The following VWF variants were observed in gnomAD, a reference collection of about 807,000 sequenced individuals.
VWF encodes Factor VIII related antigen.
A neutral mutation model predicts 308.6 loss-of-function variants in VWF; 176 were observed. The observed-to-expected ratio is 0.57, with a 90% CI of 0.50 to 0.65. The LOEUF (loss-of-function observed/expected upper bound fraction) is 0.65. Among genes scored for constraint, VWF ranks in the 30% least tolerant of loss-of-function variants. The pLI, the probability that VWF is intolerant of heterozygous loss-of-function variation, is 0.00. For synonymous variants in VWF, 1,385 were observed against 1,443.4 expected, an observed-to-expected ratio of 0.96 and a Z score of 0.92; for missense variants, 3,146 against 3,648.2, an observed-to-expected ratio of 0.86 and a Z score of 3.55.
intron 5 of VWF, among the ~76,000 whole-genome samples, chr12:6,108,354 C>CACACACACACAT (rs1201594301): frequency 1.2e-4 from 18 of 148,446 alleles, no homozygotes; most frequent in Non-Finnish European, 2.4e-4. Flanking sequence ...CACACACACA[C>CACACACACACAT]ACACACACAC....
rs1943787833 is a variant in VWF at position 5,994,594 on chromosome 12, C to T, written c.6077G>A (p.Gly2026Glu). The stretch of plus-strand genomic sequence containing the variant: ...CACGTAAGGAACAGAGACCAGTCTC[C>T]CATTCACCGTCACCTGCACAAAGAA... ...LHSDMEVTVN[G>E]RLVSVPYVGG... The change falls in exon 36 of 52, where the codon GGG (glycine) becomes GAG (glutamate). Residue 2026 changes from glycine (G) to glutamate (E), a missense_variant. Around this residue, in one of 3 missense-constraint regions of VWF, gnomAD observed 989 missense variants for 1,117.4 expected, o/e 0.89. Transcript: ENST00000261405. 2 of 1,613,912 alleles carry T rather than the reference C, an allele frequency of 1.2e-6. No individual in the cohort carries two copies. The highest frequency in any genetic ancestry group is 1.7e-6 in the Non-Finnish European group (2 of 1,179,852).
intron 41 of VWF, 89 bp downstream of exon 41, chr12:5,983,061 G>T: frequency 7.6e-7 from 1 of 1,309,282 alleles, no homozygotes. Context: ...GAAATGACGT[G>T]ATCTTGGAAG....
chr12:6,111,284 G>T (rs145059838), intron 3 of VWF, among the ~76,000 whole-genome samples: 33 of 152,260 alleles, frequency 2.2e-4, no homozygotes, highest in African/African-American at 7.7e-4. Context: ...ACAAACATGC[G>T]ACAATTGAGT....
intron 6 of VWF, among the ~76,000 whole-genome samples, chr12:6,080,410 C>A (rs1416203189): frequency 6.6e-6 from 1 of 152,182 alleles, no homozygotes; most frequent in African/African-American, 2.4e-5. Context: ...TTGGTTCTCA[C>A]CTAGAGGTGT....
Position 6,073,661 on chromosome 12 carries a change from C to A in VWF, c.955G>T (p.Glu319Ter). 1 of 1,614,128 alleles carries A rather than the reference C, an allele frequency of 6.2e-7. No individual in the cohort carries two copies. Among genetic ancestry groups the A allele is most frequent in the Non-Finnish European group, 8.5e-7 (1 of 1,180,020 alleles). ...ARTCQSLHIN[E>*]MCQERCVDGC... is the part of the protein sequence containing the mutation. ...TCCACGCATCGCTCCTGACACATTT[C>A]ATTGATGTGCAGGCTCTGGCAGGTC... Residue 319 changes from glutamate (E) to a stop codon, truncating the protein, a stop_gained, in exon 8 of 52, where the codon GAA (glutamate) becomes TAA (stop). Transcript: ENST00000261405. LOFTEE classifies it high-confidence loss of function.
At chr12:6,003,130 C>T (rs528412487) in intron 34 of VWF, among the ~76,000 whole-genome samples, 1 of 152,028 alleles carries the variant, frequency 6.6e-6, no homozygotes, top group East Asian at 1.9e-4. Context: ...ATGTATGAAC[C>T]GAATGGAAAT....
Position 6,124,055 on chromosome 12 carries a change from G to T in VWF, c.-1+366C>A, listed in dbSNP as rs138563017. On this transcript the variant is annotated intron_variant, in intron 1 of 51. Transcript: ENST00000261405. Reference sequence around the variant, plus strand: ...GCCAATCTGTGATACATCTGTGGAAGGAACACTGAGATGTCAGATACTGCC... The same window carrying T: ...GCCAATCTGTGATACATCTGTGGAATGAACACTGAGATGTCAGATACTGCC... 1.6e-4 allele frequency among the ~76,000 whole-genome samples: 25 copies of T among 152,224 alleles called. No individual in the cohort carries two copies. In the East Asian group the frequency reaches 4.8e-3, roughly 29 times the overall value.
intron 16 of VWF, among the ~76,000 whole-genome samples, chr12:6,050,338 G>T (rs1482323849): frequency 1.3e-5 from 2 of 152,116 alleles, no homozygotes; most frequent in African/African-American, 4.8e-5. Context: ...CTTGATCCAA[G>T]GCCTCGCTAC....
At chr12:6,023,315 T>C (rs1440334618) in intron 25 of VWF, among the ~76,000 whole-genome samples, 1 of 152,160 alleles carries the variant, frequency 6.6e-6, no homozygotes, top group Non-Finnish European at 1.5e-5. Flanking sequence ...TATTGGCAAA[T>C]ATAATCACGC....
chr12:6,002,449 T>C (rs1217480870), intron 34 of VWF, among the ~76,000 whole-genome samples: 2 of 151,960 alleles, frequency 1.3e-5, no homozygotes, highest in African/African-American at 4.8e-5. Flanking sequence ...AAATTTTACT[T>C]GTACCCTAGA....
At chr12:6,032,208 G>C (rs1052452266) in intron 20 of VWF, among the ~76,000 whole-genome samples, 1 of 152,060 alleles carries the variant, frequency 6.6e-6, no homozygotes, top group Non-Finnish European at 1.5e-5. Flanking sequence ...GAAAAAGAAA[G>C]ATAAAATGTT....
chr12:6,117,524 T>A (rs1945381298), intron 3 of VWF, among the ~76,000 whole-genome samples: 1 of 152,236 alleles, frequency 6.6e-6, no homozygotes, highest in Non-Finnish European at 1.5e-5. Flanking sequence ...CATTTTCAGA[T>A]AACCTGTCTC....
intron 20 of VWF, among the ~76,000 whole-genome samples, chr12:6,034,043 G>A (rs113925231): frequency 0.012 from 1,904 of 152,324 alleles, 40 homozygotes; most frequent in African/African-American, 0.041. Context: ...AGGCAGAGGG[G>A]CTGCTGCCCA....
intron 18 of VWF, among the ~76,000 whole-genome samples, chr12:6,043,478 G>A (rs761901987): frequency 2.6e-4 from 40 of 152,208 alleles, no homozygotes; most frequent in Non-Finnish European, 4.9e-4. Flanking sequence ...TTGGGTATAA[G>A]GAATTGGAGT....
At chr12:6,088,859 TCC>T (rs1368400416) in intron 6 of VWF, among the ~76,000 whole-genome samples, 1 of 152,210 alleles carries the variant, frequency 6.6e-6, no homozygotes. Flanking sequence ...CCATTATCAG[TCC>T]CAGTGGAGAC....
At chr12:6,025,195 G>C (rs1454637637) in intron 24 of VWF, among the ~76,000 whole-genome samples, 1 of 152,196 alleles carries the variant, frequency 6.6e-6, no homozygotes, top group Admixed American at 6.5e-5. Flanking sequence ...GGTTTTAGGG[G>C]GTGGGAGAGG....
intron 41 of VWF, among the ~76,000 whole-genome samples, chr12:5,982,373 A>C (rs921808610): frequency 2.0e-5 from 3 of 152,172 alleles, no homozygotes; most frequent in Non-Finnish European, 4.4e-5. Context: ...GTTCTATGCC[A>C]GGAGCTTCTG....
Position 5,991,978 on chromosome 12 carries a change from C to A in VWF, c.6639G>T (p.Glu2213Asp), listed in dbSNP as rs754851946. The A allele has an allele frequency of 3.7e-6, 6 of 1,614,104 alleles. No individual in the cohort carries two copies. Among genetic ancestry groups the A allele is most frequent in the Non-Finnish European group, 5.1e-6 (6 of 1,180,048 alleles). Reference sequence around the variant, plus strand: ...CATCACAGTGCCGGGGACAGCCATGCTCACAGTGGTTGTAGACCAGAGATG... The same window carrying A: ...CATCACAGTGCCGGGGACAGCCATGATCACAGTGGTTGTAGACCAGAGATG... ...CPPSLVYNHC[E>D]HGCPRHCDGN... is the part of the protein sequence containing the mutation. The change falls in exon 38 of 52, where the codon GAG (glutamate) becomes GAT (aspartate). Residue 2213 changes from glutamate to aspartate, a missense_variant. Glu to Asp is a conservative substitution (Grantham distance 45). Coordinates refer to ENST00000261405, the MANE Select transcript of VWF (RefSeq NM_000552.5).
rs950758722 is a variant in VWF at position 6,022,317 on chromosome 12, C to T, written c.3539-282G>A. Among the ~76,000 whole-genome samples the T allele has an allele frequency of 3.7e-4, 57 of 152,244 alleles. 1 individual carries two copies. Among genetic ancestry groups the T allele is most frequent in the South Asian group, 1.2e-3 (6 of 4,818 alleles). On this transcript the variant is annotated intron_variant, in intron 26 of 51. Coordinates refer to ENST00000261405, the MANE Select transcript of VWF (RefSeq NM_000552.5). ...TATCTCCGGGGCTCTTTCTGCTCTT[C>T]TGAATAACACCTTCAGTAACTCTAG...
Sources: allele counts gnomAD v4.1 joint callset (sites outside exome capture counted in the v4.1 genomes callset), GRCh38; gene constraint gnomAD v4.1.1; regional missense constraint gnomAD v4.1.1; transcripts MANE v1.5; gene names NCBI Gene and HGNC (gene_info 2026-07-23, HGNC 2026-07-21).